NBAS: variants seen among roughly 807,000 people sequenced by gnomAD.
The protein encoded by NBAS is NAG/BC035112 fusion.
Under a neutral mutation model 302.5 loss-of-function variants are expected in NBAS, and 219 were observed. The ratio of observed to expected loss-of-function variants is 0.72; its 90% CI spans 0.65 to 0.81. NBAS has a LOEUF of 0.81. Ranked by LOEUF, NBAS falls within the 30% of genes least tolerant of loss-of-function variation. The pLI is 0.00. For synonymous variants in NBAS, 1,118 were observed against 1,021.6 expected (o/e 1.09, Z -1.80); for missense variants, 2,932 against 2,841.6 (o/e 1.03, Z -0.72).
the NBAS span, among the ~76,000 whole-genome samples, chr2:15,027,168 T>A: frequency 6.6e-6 from 1 of 152,126 alleles, no homozygotes; most frequent in Non-Finnish European, 1.5e-5. Flanking sequence ...GGCATTCACA[T>A]TTAATATTAA....
chr2:15,111,107 G>T, the NBAS span, among the ~76,000 whole-genome samples: 1 of 152,122 alleles, frequency 6.6e-6, no homozygotes, highest in Non-Finnish European at 1.5e-5. Context: ...GAAAGCAGGT[G>T]AGTGGGCACC....
chr2:15,335,640 G>A (rs1443626803), intron 35 of NBAS, among the ~76,000 whole-genome samples: 1 of 152,108 alleles, frequency 6.6e-6, no homozygotes, highest in African/African-American at 2.4e-5. Flanking sequence ...TTTGTCAAGT[G>A]TCTGTTTGAG....
chr2:15,553,295 A>G (rs1435344001), intron 5 of NBAS, 131 bp downstream of exon 5: 1 of 826,058 alleles, frequency 1.2e-6, no homozygotes, highest in Non-Finnish European at 2.0e-6. Flanking sequence ...GGTGTTTGAC[A>G]CTCACAAAAT....
intron 6 of NBAS, among the ~76,000 whole-genome samples, chr2:15,543,110 A>G (rs1663929209): frequency 6.6e-6 from 1 of 152,266 alleles, no homozygotes; most frequent in Non-Finnish European, 1.5e-5. Flanking sequence ...TGCAAGAAAC[A>G]CTGATGGTAA....
chr2:15,287,470 G>C lies in NBAS; in HGVS notation c.5028-287C>G, dbSNP rs575159746. On this transcript the variant is annotated intron_variant, in intron 41 of 51. Transcript: ENST00000281513. ...ATTTGACAATGTCTGAAAACATTGT[G>C]AGCATAAAAAGTGGGGCAAGGGGCA... Among the ~76,000 whole-genome samples the C allele has an allele frequency of 5.1e-3, 780 of 152,320 alleles. 3 individuals are homozygous for C. The highest frequency in any genetic ancestry group is 0.016 in the African/African-American group (666 of 41,572).
chr2:15,514,214 T>C (rs1479804581), intron 9 of NBAS, among the ~76,000 whole-genome samples: 1 of 152,110 alleles, frequency 6.6e-6, no homozygotes, highest in Non-Finnish European at 1.5e-5. Flanking sequence ...ACAGGTAAAA[T>C]GAGACTGGCC....
chr2:15,103,007 G>GGAAGGAAGGAAGGAAA, the NBAS span, among the ~76,000 whole-genome samples: 1 of 140,350 alleles, frequency 7.1e-6, no homozygotes, highest in Non-Finnish European at 1.5e-5. Context: ...AAGGAAGGAA[G>GGAAGGAAGGAAGGAAA]GAAGGAAGGA....
the NBAS span, among the ~76,000 whole-genome samples, chr2:15,090,896 A>T: frequency 6.6e-6 from 1 of 152,128 alleles, no homozygotes; most frequent in Non-Finnish European, 1.5e-5. Context: ...TCGTGAAGAG[A>T]ATGCTTAGGT....
chr2:15,207,165 T>G (rs1045738622), intron 48 of NBAS, among the ~76,000 whole-genome samples: 6 of 152,222 alleles, frequency 3.9e-5, no homozygotes, highest in East Asian at 1.9e-4. Flanking sequence ...ACATCTTGCA[T>G]GACCGAGCCC....
the NBAS span, among the ~76,000 whole-genome samples, chr2:14,948,753 T>A: frequency 6.6e-6 from 1 of 151,850 alleles, no homozygotes. Flanking sequence ...TTAAAATGTA[T>A]ACAGAACCAC....
chr2:14,834,846 C>T, the NBAS span, among the ~76,000 whole-genome samples: 43 of 152,056 alleles, frequency 2.8e-4, no homozygotes, highest in African/African-American at 8.0e-4. Context: ...GGGTGGAAAT[C>T]GTCAGATTAG....
chr2:15,400,455 T>C (rs6715487), intron 26 of NBAS, among the ~76,000 whole-genome samples: 94,120 of 151,944 alleles, frequency 0.62, 29,940 homozygotes, highest in Middle Eastern at 0.68. Context: ...TGGAGAATGG[T>C]AGGAGAAGTG....
chr2:14,846,389 G>T, the NBAS span, among the ~76,000 whole-genome samples: 2 of 149,878 alleles, frequency 1.3e-5, no homozygotes, highest in African/African-American at 2.5e-5. Context: ...AAAGCTGAGG[G>T]ATTTCATCAG....
At chr2:15,195,373 T>A (rs1422683240) in intron 48 of NBAS, among the ~76,000 whole-genome samples, 1 of 152,224 alleles carries the variant, frequency 6.6e-6, no homozygotes, top group African/African-American at 2.4e-5. Flanking sequence ...CAAAGGGTTA[T>A]ATACATACTG....
chr2:15,008,528 T>C, the NBAS span, among the ~76,000 whole-genome samples: 1 of 152,216 alleles, frequency 6.6e-6, no homozygotes, highest in Non-Finnish European at 1.5e-5. Flanking sequence ...CTCATGTCCC[T>C]TCCACAAGGC....
At chr2:15,284,649 C>G (rs1357566001) in intron 42 of NBAS, among the ~76,000 whole-genome samples, 2 of 152,186 alleles carry the variant, frequency 1.3e-5, no homozygotes, top group Non-Finnish European at 2.9e-5. Flanking sequence ...CATTATTTCT[C>G]TTGCAACTTC....
chr2:15,075,461 G>C, the NBAS span, among the ~76,000 whole-genome samples: 1 of 152,148 alleles, frequency 6.6e-6, no homozygotes, highest in Non-Finnish European at 1.5e-5. Flanking sequence ...TCACTGCAAG[G>C]CTGTCTCATG....
chr2:14,994,501 T>G, the NBAS span, among the ~76,000 whole-genome samples: 1 of 152,064 alleles, frequency 6.6e-6, no homozygotes, highest in Non-Finnish European at 1.5e-5. Flanking sequence ...TAACGGACCC[T>G]AGGATATATG....
At chr2:15,165,718 A>T (rs1012421684), downstream of NBAS, among the ~76,000 whole-genome samples, 1 of 152,168 alleles carries the variant, frequency 6.6e-6, no homozygotes, top group Non-Finnish European at 1.5e-5. Context: ...AATACACTGT[A>T]TGTTAAAGAC....
Sources: allele counts gnomAD v4.1 joint callset (sites outside exome capture counted in the v4.1 genomes callset), GRCh38; gene constraint gnomAD v4.1.1; transcripts MANE v1.5; gene names NCBI Gene and HGNC (gene_info 2026-07-23, HGNC 2026-07-21).